The following MACROD2 variants were observed in gnomAD, a reference collection of about 807,000 sequenced individuals.
MACROD2 encodes the protein mono-ADP ribosylhydrolase 2, also known as ADP-ribose glycohydrolase MACROD2.
MACROD2 carries 36 observed loss-of-function variants against 70.4 expected under a neutral mutation model. That is an observed-to-expected ratio of 0.51 (90% confidence interval 0.39 to 0.68). MACROD2 has a LOEUF of 0.68. Among genes scored for constraint, MACROD2 ranks in the 30% least tolerant of loss-of-function variants. MACROD2 has a pLI of 0.00. For synonymous variants in MACROD2, 172 were observed against 178.8 expected (o/e 0.96, Z 0.30); for missense variants, 496 against 538.4 (o/e 0.92, Z 0.78).
intron 3 of MACROD2, among the ~76,000 whole-genome samples, chr20:14,454,825 T>C (rs2084282800): frequency 6.8e-6 from 1 of 146,824 alleles, no homozygotes; most frequent in Non-Finnish European, 1.5e-5. Flanking sequence ...AGATCTCTGC[T>C]CACTGCAAGC....
At chr20:14,433,028 G>A (rs867388126) in intron 3 of MACROD2, among the ~76,000 whole-genome samples, 44 of 152,156 alleles carry the variant, frequency 2.9e-4, no homozygotes, top group Middle Eastern at 3.4e-3. Flanking sequence ...TGTCTGCACT[G>A]GGCCAAGCTC....
At chr20:15,486,106 A>C (rs904388635) in intron 7 of MACROD2, among the ~76,000 whole-genome samples, 8 of 152,268 alleles carry the variant, frequency 5.3e-5, no homozygotes, top group African/African-American at 1.7e-4. Context: ...GGCTATAAAC[A>C]AGACAGTTTT....
chr20:15,839,875 T>TA (rs1184288042), intron 8 of MACROD2, among the ~76,000 whole-genome samples: 2 of 152,184 alleles, frequency 1.3e-5, no homozygotes, highest in African/African-American at 4.8e-5. Context: ...GACCACCTGT[T>TA]ATCTGTGTAA....
At chr20:14,130,673 A>G (rs552368685) in intron 3 of MACROD2, among the ~76,000 whole-genome samples, 1 of 152,206 alleles carries the variant, frequency 6.6e-6, no homozygotes, top group African/African-American at 2.4e-5. Context: ...TAATTAACCC[A>G]TAAGCAGGGC....
chr20:15,413,766 A>G (rs981710712), intron 6 of MACROD2, among the ~76,000 whole-genome samples: 3 of 152,220 alleles, frequency 2.0e-5, no homozygotes, highest in African/African-American at 7.2e-5. Flanking sequence ...GAAGCCTCTC[A>G]GATCACTGAA....
At chr20:14,766,960 A>G (rs204111) in intron 5 of MACROD2, among the ~76,000 whole-genome samples, 151,728 of 152,238 alleles carry the variant, frequency 1, 75,612 homozygotes, top group East Asian at 1. Context: ...CGTTGGTATA[A>G]CATCATACCA....
chr20:15,055,430 T>G (rs2075476635), intron 5 of MACROD2, among the ~76,000 whole-genome samples: 1 of 152,134 alleles, frequency 6.6e-6, no homozygotes, highest in Admixed American at 6.5e-5. Flanking sequence ...TCTAAAAGCA[T>G]GAAGGTTGAG....
intron 8 of MACROD2, among the ~76,000 whole-genome samples, chr20:15,857,050 A>T (rs1332398896): frequency 1.3e-5 from 2 of 152,232 alleles, no homozygotes; most frequent in Non-Finnish European, 2.9e-5. Flanking sequence ...AGATTACATC[A>T]GCTGGAGTTA....
At chr20:14,785,490 T>C (rs999877330) in intron 5 of MACROD2, among the ~76,000 whole-genome samples, 1 of 151,386 alleles carries the variant, frequency 6.6e-6, no homozygotes, top group Non-Finnish European at 1.5e-5. Context: ...CCAGTCCCCC[T>C]GGGGGACTTG....
intron 5 of MACROD2, among the ~76,000 whole-genome samples, chr20:15,186,184 TG>T (rs1369627436): frequency 6.6e-6 from 1 of 152,140 alleles, no homozygotes; most frequent in African/African-American, 2.4e-5. Flanking sequence ...CTTCACATTT[TG>T]GGGGTATCTG....
intron 8 of MACROD2, among the ~76,000 whole-genome samples, chr20:15,704,854 C>A (rs574892255): frequency 6.6e-6 from 1 of 152,238 alleles, no homozygotes; most frequent in South Asian, 2.1e-4. Flanking sequence ...TTCTTTATTG[C>A]TCTTTGGTAC....
intron 5 of MACROD2, among the ~76,000 whole-genome samples, chr20:14,989,031 A>G (rs1188291140): frequency 2.0e-5 from 3 of 152,220 alleles, no homozygotes; most frequent in South Asian, 4.1e-4. Context: ...GTAAGTAATT[A>G]ATTAAAAAGT....
Position 14,372,312 on chromosome 20 carries a change from T to C in MACROD2, c.272-121167T>C, listed in dbSNP as rs1392806531. ...ATTAATACAGATATCCTAAATAAAA[T>C]ATTAGCAAATTATATCTAGTAGTGA... On this transcript the variant is annotated intron_variant, in intron 3 of 17. Coordinates refer to ENST00000684519, the MANE Select transcript of MACROD2 (RefSeq NM_001351661.2). Among the ~76,000 whole-genome samples, 4 of 152,262 alleles carry C rather than the reference T, an allele frequency of 2.6e-5. No homozygotes were observed. In the South Asian group the frequency reaches 8.3e-4, roughly 32 times the overall value.
Position 14,323,289 on chromosome 20 carries a change from A to G in MACROD2, c.272-170190A>G, listed in dbSNP as rs190856638. ...TTCTATTAATTTGCTACAACAGCTCACAAAATGCAAGGAAACAGATTTACT... is the reference window on the plus strand; with the variant it reads ...TTCTATTAATTTGCTACAACAGCTCGCAAAATGCAAGGAAACAGATTTACT... On this transcript the variant is annotated intron_variant, in intron 3 of 17. Coordinates refer to ENST00000684519, the MANE Select transcript of MACROD2 (RefSeq NM_001351661.2). 9 of 152,286 alleles carry G rather than the reference A, an allele frequency of 5.9e-5. No individual in the cohort carries two copies. In the East Asian group the frequency reaches 9.6e-4, roughly 16 times the overall value. The allele number at this position is 152,286 out of a possible 1,614,324, so 9.4% of individuals were successfully genotyped here.
intron 5 of MACROD2, among the ~76,000 whole-genome samples, chr20:15,028,426 T>C (rs1342990133): frequency 6.6e-6 from 1 of 152,188 alleles, no homozygotes; most frequent in Non-Finnish European, 1.5e-5. Context: ...AGCAAAGTAC[T>C]GCAAACAAGG....
At chr20:14,829,105 G>T (rs1249364190) in intron 5 of MACROD2, among the ~76,000 whole-genome samples, 1 of 146,274 alleles carries the variant, frequency 6.8e-6, no homozygotes, top group Non-Finnish European at 1.5e-5. Context: ...CTGCTCCCCC[G>T]CCCCACAGTG....
chr20:15,411,048 T>G (rs2046071351), intron 6 of MACROD2, among the ~76,000 whole-genome samples: 1 of 152,134 alleles, frequency 6.6e-6, no homozygotes, highest in Non-Finnish European at 1.5e-5. Context: ...TAGCTAAACT[T>G]ATGCTATTCA....
chr20:15,606,587 T>C (rs1600659674), intron 8 of MACROD2, among the ~76,000 whole-genome samples: 1 of 152,206 alleles, frequency 6.6e-6, no homozygotes, highest in East Asian at 1.9e-4. Context: ...GAACAGAGCC[T>C]TGACAACTTC....
chr20:15,308,620 G>C (rs2077721667), intron 6 of MACROD2, among the ~76,000 whole-genome samples: 1 of 152,174 alleles, frequency 6.6e-6, no homozygotes, highest in African/African-American at 2.4e-5. Context: ...CTTATGTATA[G>C]TTGAGGTCCA....
Sources: allele counts gnomAD v4.1 joint callset (sites outside exome capture counted in the v4.1 genomes callset), GRCh38; gene constraint gnomAD v4.1.1; transcripts MANE v1.5; gene names NCBI Gene and HGNC (gene_info 2026-07-23, HGNC 2026-07-21).